RBFOX1: variants seen among roughly 807,000 people sequenced by gnomAD.
RBFOX1 encodes the protein RNA binding protein fox-1 homolog 1.
Under a neutral mutation model 57.7 loss-of-function variants are expected in RBFOX1, and 8 were observed. The observed-to-expected ratio is 0.14, with a 90% confidence interval of 0.08 to 0.25. The LOEUF (loss-of-function observed/expected upper bound fraction) is 0.25, where lower values mean the gene tolerates loss of function less well. RBFOX1 is among the 10% of genes least tolerant of loss of function. RBFOX1 has a pLI of 1.00. For synonymous variants in RBFOX1, 326 were observed against 222.4 expected, an observed-to-expected ratio of 1.47 and a Z score of -4.15; for missense variants, 611 against 548.5, an observed-to-expected ratio of 1.11 and a Z score of -1.14.
intron 4 of RBFOX1, among the ~76,000 whole-genome samples, chr16:7,284,035 A>G (rs1367988541): frequency 1.3e-5 from 2 of 152,236 alleles, no homozygotes; most frequent in East Asian, 1.9e-4. Context: ...TGGAATCAGA[A>G]GTACGTAGCC....
At chr16:6,323,428 T>A (rs1399963817) in intron 2 of RBFOX1, among the ~76,000 whole-genome samples, 1 of 152,172 alleles carries the variant, frequency 6.6e-6, no homozygotes, top group Non-Finnish European at 1.5e-5. Context: ...ATGGGGTGTG[T>A]CAGTCTTGCT....
intron 4 of RBFOX1, among the ~76,000 whole-genome samples, chr16:7,372,066 T>C (rs2097576485): frequency 1.3e-5 from 2 of 152,170 alleles, no homozygotes; most frequent in South Asian, 4.1e-4. Context: ...TGATTACTTT[T>C]TACTGCCATG....
chr16:7,208,009 C>T (rs973609258), intron 4 of RBFOX1, among the ~76,000 whole-genome samples: 5 of 152,146 alleles, frequency 3.3e-5, no homozygotes, highest in Admixed American at 6.5e-5. Flanking sequence ...TTCCATCACT[C>T]ACTGAAACCG....
chr16:5,543,319 C>T (rs917201459), intron 2 of RBFOX1, among the ~76,000 whole-genome samples: 1 of 151,892 alleles, frequency 6.6e-6, no homozygotes, highest in Non-Finnish European at 1.5e-5. Context: ...AAAAATTAAA[C>T]AGAAACATGG....
Position 6,842,589 on chromosome 16 carries a change from C to T in RBFOX1, c.-16+187939C>T, listed in dbSNP as rs57173360. 3.2e-3 allele frequency among the ~76,000 whole-genome samples: 480 copies of T among 149,204 alleles called. 5 individuals carry two copies. The highest frequency in any genetic ancestry group is 0.011 in the African/African-American group (451 of 40,526). Reference sequence around the variant, plus strand: ...TGCAGTGTTCCATTGTATAGACATACTTAATTTATGTATCCAGTTTCCTGC... The same window carrying T: ...TGCAGTGTTCCATTGTATAGACATATTTAATTTATGTATCCAGTTTCCTGC... On this transcript the variant is annotated intron_variant, in intron 3 of 15. Coordinates refer to ENST00000550418, the MANE Select transcript of RBFOX1 (RefSeq NM_018723.4).
intron 4 of RBFOX1, among the ~76,000 whole-genome samples, chr16:7,391,987 G>A (rs2098035328): frequency 6.6e-6 from 1 of 152,168 alleles, no homozygotes; most frequent in African/African-American, 2.4e-5. Flanking sequence ...TAGAATACAA[G>A]CTCTCTCTGT....
At chr16:7,097,644 A>T (rs1280652831) in intron 4 of RBFOX1, among the ~76,000 whole-genome samples, 3 of 152,164 alleles carry the variant, frequency 2.0e-5, no homozygotes, top group Non-Finnish European at 4.4e-5. Context: ...ATATGTACTA[A>T]ACCCAGGGCC....
At position 5,424,919 on chromosome 16, in the gene RBFOX1, CTT is replaced by C. The variant is rs879819564; in HGVS notation, c.220-42295_220-42294del. ...TCTTTCTTTCTTTCTTTCTTTCTTT[CTT>C]TCTTTCTTTCTTTCTCTCTCTTCTT... On this transcript the variant is annotated intron_variant, in intron 1 of 2. Coordinates refer to the RBFOX1 transcript ENST00000585867. Among the ~76,000 whole-genome samples, 5 of 96,684 alleles carry C rather than the reference CTT, an allele frequency of 5.2e-5. 1 individual carries two copies. The South Asian group carries it at 1.3e-3, about 25-fold the overall frequency. 63.4% of individuals were successfully genotyped at this position (96,684 alleles called of 152,430 possible). A position where few individuals can be genotyped will look rare whatever the true frequency, so the allele number is the denominator to read the frequency against.
intron 14 of RBFOX1, among the ~76,000 whole-genome samples, chr16:7,690,804 G>C (rs533022735): frequency 2.5e-4 from 38 of 152,210 alleles, no homozygotes; most frequent in African/African-American, 7.7e-4. Flanking sequence ...TAAATCAATA[G>C]TCTTAATGTT....
intron 3 of RBFOX1, among the ~76,000 whole-genome samples, chr16:6,824,983 G>GTTTTTTGTTTTTTTTTTTTTTT (rs2091915909): frequency 2.7e-5 from 1 of 36,878 alleles, no homozygotes; most frequent in Non-Finnish European, 5.9e-5. Context: ...TTCTTTCTTG[G>GTTTTTTGTTTTTTTTTTTTTTT]TTTTTTTTTT....
intron 1 of RBFOX1, among the ~76,000 whole-genome samples, chr16:6,220,731 C>A (rs111363485): frequency 2.6e-5 from 4 of 151,440 alleles, no homozygotes; most frequent in African/African-American, 4.8e-5. Flanking sequence ...CGCCCCCCCC[C>A]AGTGGAAAAT....
intron 3 of RBFOX1, among the ~76,000 whole-genome samples, chr16:6,743,193 C>T (rs1003664779): frequency 6.6e-6 from 1 of 151,834 alleles, no homozygotes; most frequent in Admixed American, 6.6e-5. Flanking sequence ...AGAGTTATAG[C>T]TAATAAGCCA....
chr16:6,820,235 A>G (rs1567399638), intron 3 of RBFOX1, among the ~76,000 whole-genome samples: 2 of 152,188 alleles, frequency 1.3e-5, no homozygotes, highest in Non-Finnish European at 1.5e-5. Flanking sequence ...CTGTGAGTCG[A>G]TTAAACCTTT....
intron 3 of RBFOX1, among the ~76,000 whole-genome samples, chr16:5,773,165 T>C (rs1176832713): frequency 6.6e-6 from 1 of 152,198 alleles, no homozygotes; most frequent in Non-Finnish European, 1.5e-5. Flanking sequence ...TCCAGTGCTA[T>C]GCTGAAGGTA....
At chr16:5,727,722 C>G (rs188785983) in intron 3 of RBFOX1, among the ~76,000 whole-genome samples, 2 of 152,234 alleles carry the variant, frequency 1.3e-5, no homozygotes, top group Non-Finnish European at 2.9e-5. Flanking sequence ...AAGGTCTTAC[C>G]TTGTCACCCA....
intron 3 of RBFOX1, among the ~76,000 whole-genome samples, chr16:5,743,982 T>C (rs1000222371): frequency 1.3e-5 from 2 of 152,204 alleles, no homozygotes; most frequent in African/African-American, 4.8e-5. Flanking sequence ...TTGCATCCTT[T>C]CCCTTCAAAG....
chr16:6,638,546 T>C (rs1226360130), intron 2 of RBFOX1, among the ~76,000 whole-genome samples: 1 of 152,200 alleles, frequency 6.6e-6, no homozygotes, highest in African/African-American at 2.4e-5. Flanking sequence ...TTAGAAATAT[T>C]GCAGTGGAAG....
At chr16:7,495,489 T>C (rs2068321281) in intron 4 of RBFOX1, among the ~76,000 whole-genome samples, 1 of 152,214 alleles carries the variant, frequency 6.6e-6, no homozygotes. Flanking sequence ...CTATTGTTTT[T>C]TGACTTTTTA....
At chr16:7,070,458 T>C (rs2057098781) in intron 4 of RBFOX1, among the ~76,000 whole-genome samples, 1 of 152,194 alleles carries the variant, frequency 6.6e-6, no homozygotes, top group South Asian at 2.1e-4. Flanking sequence ...TTTGGCAATT[T>C]TGTGGTGTTA....
Sources: gnomAD v4.1 joint callset for allele counts (sites outside exome capture counted in the v4.1 genomes callset) on GRCh38, gnomAD v4.1.1 for gene constraint, MANE v1.5 for transcripts, NCBI Gene and HGNC (gene_info 2026-07-23, HGNC 2026-07-21) for gene names.